The following SMURF2 variants were observed in gnomAD, a reference collection of about 807,000 sequenced individuals.
The protein encoded by SMURF2 is E3 ubiquitin-protein ligase SMURF2.
A neutral mutation model predicts 109.6 loss-of-function variants in SMURF2; 48 were observed. That is an observed-to-expected ratio of 0.44 (90% confidence interval 0.35 to 0.56). The LOEUF is 0.56. SMURF2 is among the 20% of genes least tolerant of loss of function. SMURF2 has a pLI of 0.01. For missense variants in SMURF2, 575 were observed against 909.0 expected (o/e 0.63, Z 4.72); for synonymous variants, 288 against 317.1 (o/e 0.91, Z 0.97).
chr17:64,584,404 G>C (rs1158499385), intron 6 of SMURF2, among the ~76,000 whole-genome samples: 12 of 141,500 alleles, frequency 8.5e-5, no homozygotes, highest in Non-Finnish European at 1.5e-4. Context: ...CCTTCGCCAG[G>C]CTGGAGTGCA....
rs1049704807 is a variant in SMURF2, at chr17:64,549,617, A to C, written c.1870-1816T>G. ...CTAAAAATACAAAAATTAGCCAGGC[A>C]TGGTGGTGCACACCTGAAGTCCCAG... On this transcript the variant is annotated intron_variant, in intron 16 of 18. Coordinates refer to ENST00000262435, the MANE Select transcript of SMURF2 (RefSeq NM_022739.4). Among the ~76,000 whole-genome samples the C allele has an allele frequency of 4.7e-5, 7 of 150,494 alleles. No homozygotes were observed. In the South Asian group the frequency reaches 1.5e-3, roughly 32 times the overall value.
intron 10 of SMURF2, among the ~76,000 whole-genome samples, chr17:64,566,850 G>A (rs1434759304): frequency 4.0e-5 from 6 of 149,414 alleles, no homozygotes; most frequent in East Asian, 2.0e-4. Context: ...GATTACAGGC[G>A]TGAGCCATCG....
chr17:64,564,489 G>A (rs1969273325), intron 10 of SMURF2, among the ~76,000 whole-genome samples: 1 of 152,190 alleles, frequency 6.6e-6, no homozygotes, highest in Non-Finnish European at 1.5e-5. Flanking sequence ...TCAACCTGTG[G>A]ATTTGACCTT....
Position 64,570,888 on chromosome 17 carries a change from C to T in SMURF2, c.1016+910G>A, listed in dbSNP as rs116337304. 4.3e-3 allele frequency among the ~76,000 whole-genome samples: 648 copies of T among 152,282 alleles called. 6 individuals carry two copies. The highest frequency in any genetic ancestry group is 0.014 in the African/African-American group (586 of 41,564). ...CACGACCTCCTGAGCTCAAGAGATC[C>T]TCCCACCTCGGTGTCCTGAGTAGCT... On this transcript the variant is annotated intron_variant, in intron 10 of 18. Transcript: ENST00000262435.
intron 10 of SMURF2, among the ~76,000 whole-genome samples, chr17:64,567,747 A>T (rs540140053): frequency 2.8e-3 from 424 of 151,950 alleles, no homozygotes; most frequent in Middle Eastern, 6.9e-3. Flanking sequence ...TAGTGGTGTG[A>T]TCTTGGCTCA....
At chr17:64,638,670 T>C (rs1431608274) in intron 1 of SMURF2, among the ~76,000 whole-genome samples, 1 of 152,222 alleles carries the variant, frequency 6.6e-6, no homozygotes, top group Admixed American at 6.5e-5. Context: ...GCTTTTGACA[T>C]CAAACCTTGT....
intron 2 of SMURF2, among the ~76,000 whole-genome samples, chr17:64,601,218 T>C (rs527306253): frequency 1.3e-5 from 2 of 152,142 alleles, no homozygotes; most frequent in Non-Finnish European, 2.9e-5. Flanking sequence ...ATCATGCCAC[T>C]GCACTCCAAC....
At chr17:64,623,205 C>T (rs1555690824) in intron 1 of SMURF2, among the ~76,000 whole-genome samples, 1 of 152,078 alleles carries the variant, frequency 6.6e-6, no homozygotes, top group Non-Finnish European at 1.5e-5. Context: ...TCCATAAAGA[C>T]CCAAAATTTT....
intron 16 of SMURF2, among the ~76,000 whole-genome samples, chr17:64,549,664 G>A (rs1236982415): frequency 6.6e-6 from 1 of 152,182 alleles, no homozygotes; most frequent in African/African-American, 2.4e-5. Flanking sequence ...GCTGAGGCAC[G>A]AGAATCGCTT....
At chr17:64,608,729 C>A (rs1224945322) in intron 1 of SMURF2, among the ~76,000 whole-genome samples, 1 of 152,110 alleles carries the variant, frequency 6.6e-6, no homozygotes, top group African/African-American at 2.4e-5. Flanking sequence ...CATATTCATT[C>A]TTTTTCCCTT....
At chr17:64,617,178 CAA>C (rs1195968949) in intron 1 of SMURF2, among the ~76,000 whole-genome samples, 1 of 150,588 alleles carries the variant, frequency 6.6e-6, no homozygotes, top group African/African-American at 2.5e-5. Context: ...GGGTGCTCTG[CAA>C]AAGATTCAGA....
At chr17:64,622,345 T>TTATTATACATTAA (rs1362305426) in intron 1 of SMURF2, among the ~76,000 whole-genome samples, 1 of 152,178 alleles carries the variant, frequency 6.6e-6, no homozygotes, top group Non-Finnish European at 1.5e-5. Context: ...AACCAATACA[T>TTATTATACATTAA]TATTATACAT....
intron 9 of SMURF2, among the ~76,000 whole-genome samples, chr17:64,572,665 T>C (rs565794347): frequency 6.6e-6 from 1 of 152,288 alleles, no homozygotes; most frequent in African/African-American, 2.4e-5. Flanking sequence ...CCTTAAAGAA[T>C]GAGTTAAGGA....
intron 5 of SMURF2, among the ~76,000 whole-genome samples, chr17:64,587,245 A>T (rs1969677161): frequency 1.3e-5 from 2 of 152,172 alleles, no homozygotes. Flanking sequence ...CTGGTATTCC[A>T]GCAAAAGAGC....
Position 64,542,837 on chromosome 17 carries a change from T to C in SMURF2, c.*3011A>G, listed in dbSNP as rs931563876. 2 of 152,214 alleles carry C rather than the reference T, an allele frequency of 1.3e-5. No homozygotes were observed. The highest frequency in any genetic ancestry group is 2.9e-5 in the Non-Finnish European group (2 of 68,040). The allele number at this position is 152,214 out of a possible 1,614,324, so 9.4% of individuals were successfully genotyped here. On this transcript the variant is annotated 3_prime_UTR_variant, in exon 19 of 19. Coordinates refer to ENST00000262435, the MANE Select transcript of SMURF2 (RefSeq NM_022739.4). The stretch of plus-strand genomic sequence containing the variant: ...AAAAAAAGGCTTGGTAAAAAACCCA[T>C]TCGGGGCAACAAACTATGTGCAAAA...
intron 3 of SMURF2, among the ~76,000 whole-genome samples, chr17:64,597,007 G>A (rs1430442650): frequency 6.6e-6 from 1 of 152,092 alleles, no homozygotes; most frequent in Admixed American, 6.5e-5. Context: ...ATGTAAACAT[G>A]GAACAATGGT....
At chr17:64,630,003 C>T (rs564678007) in intron 1 of SMURF2, among the ~76,000 whole-genome samples, 1 of 152,040 alleles carries the variant, frequency 6.6e-6, no homozygotes, top group South Asian at 2.1e-4. Context: ...TTTGGGAGGT[C>T]GAGGTGGGCA....
At chr17:64,564,155 C>G (rs534288435) in intron 10 of SMURF2, among the ~76,000 whole-genome samples, 1 of 152,290 alleles carries the variant, frequency 6.6e-6, no homozygotes, top group East Asian at 1.9e-4. Flanking sequence ...CATATACATA[C>G]AAAGACTTGC....
At chr17:64,570,404 C>T (rs558168233) in intron 10 of SMURF2, among the ~76,000 whole-genome samples, 65 of 152,094 alleles carry the variant, frequency 4.3e-4, no homozygotes, top group Non-Finnish European at 7.1e-4. Context: ...GTTGCTATAC[C>T]ACTCTCAGTG....
Sources: allele counts gnomAD v4.1 joint callset (sites outside exome capture counted in the v4.1 genomes callset), GRCh38; gene constraint gnomAD v4.1.1; transcripts MANE v1.5; gene names NCBI Gene and HGNC (gene_info 2026-07-23, HGNC 2026-07-21).